The following MAP4 variants were observed in gnomAD, a reference collection of about 807,000 sequenced individuals.
MAP4 encodes microtubule-associated protein 4.
Under a neutral mutation model 170.2 loss-of-function variants are expected in MAP4, and 76 were observed. The ratio of observed to expected loss-of-function variants is 0.45; its 90% CI spans 0.37 to 0.54. The LOEUF (loss-of-function observed/expected upper bound fraction) is 0.54, where lower values mean the gene tolerates loss of function less well. Ranked by LOEUF, MAP4 falls within the 20% of genes least tolerant of loss-of-function variation. The probability of loss-of-function intolerance (pLI) is 0.00; values close to 1 mark genes in which losing one functional copy is unlikely to be tolerated. For missense variants in MAP4, 2,506 were observed against 2,748.0 expected, an observed-to-expected ratio of 0.91 and a Z score of 1.97; for synonymous variants, 909 against 994.5, an observed-to-expected ratio of 0.91 and a Z score of 1.62.
chr3:47,953,438 C>T (rs563517081), intron 3 of MAP4, among the ~76,000 whole-genome samples: 7 of 152,258 alleles, frequency 4.6e-5, no homozygotes, highest in Non-Finnish European at 7.4e-5. Flanking sequence ...AGGAGGACTA[C>T]TTGAGCCTAG....
chr3:48,040,277 A>G (rs935831101), intron 1 of MAP4, among the ~76,000 whole-genome samples: 1 of 150,744 alleles, frequency 6.6e-6, no homozygotes, highest in Non-Finnish European at 1.5e-5. Flanking sequence ...TTATTTTTTT[A>G]TTTTTTTTTG....
At chr3:47,890,737 GT>G (rs1236332181) in intron 10 of MAP4, among the ~76,000 whole-genome samples, 1 of 152,100 alleles carries the variant, frequency 6.6e-6, no homozygotes, top group Non-Finnish European at 1.5e-5. Flanking sequence ...AGGGGGTCTA[GT>G]TTTTATACCC....
In MAP4 at chr3:48,000,164, G is replaced by A. The variant is rs373044513; in HGVS notation, c.-19-1285C>T. Among the ~76,000 whole-genome samples, 7 of 144,808 alleles carry A rather than the reference G, an allele frequency of 4.8e-5. 1 individual carries two copies. Among genetic ancestry groups the A allele is most frequent in the African/African-American group, 1.6e-4 (6 of 38,000 alleles). 95.0% of individuals were successfully genotyped at this position (144,808 alleles called of 152,430 possible). ...CGGGAGATGGAGGCTACAGTGAACCGAGGTTGCGCCACTGCACTCCAGCAT... is the reference window on the plus strand; with the variant it reads ...CGGGAGATGGAGGCTACAGTGAACCAAGGTTGCGCCACTGCACTCCAGCAT... On this transcript the variant is annotated intron_variant, in intron 1 of 20. Coordinates refer to ENST00000683076, the MANE Select transcript of MAP4 (RefSeq NM_001385682.1).
At chr3:48,081,852 A>G (rs909676788) in intron 1 of MAP4, among the ~76,000 whole-genome samples, 2 of 152,152 alleles carry the variant, frequency 1.3e-5, no homozygotes, top group Admixed American at 1.3e-4. Flanking sequence ...TCTCCAACAG[A>G]AGGAACCAGG....
At chr3:48,078,844 T>C (rs1055630453) in intron 1 of MAP4, among the ~76,000 whole-genome samples, 2 of 152,168 alleles carry the variant, frequency 1.3e-5, no homozygotes, top group Non-Finnish European at 2.9e-5. Context: ...CTAACCCAAG[T>C]GAATTATATG....
chr3:47,907,380 C>G lies in MAP4; in HGVS notation c.5383+1658G>C, dbSNP rs2100033689. Among the ~76,000 whole-genome samples the G allele has an allele frequency of 1.3e-5, 2 of 152,112 alleles. 1 individual carries two copies. The highest frequency in any genetic ancestry group is 4.1e-4 in the South Asian group (2 of 4,824). On this transcript the variant is annotated intron_variant, in intron 9 of 20. Transcript: ENST00000683076. ...CGTTTTACTGTATACTCCTTTGTAC[C>G]ATGTGAATGTATTAACCTATTCGAC...
intron 10 of MAP4, among the ~76,000 whole-genome samples, chr3:47,895,944 G>T (rs2100026594): frequency 6.6e-6 from 1 of 152,004 alleles, no homozygotes; most frequent in Non-Finnish European, 1.5e-5. Context: ...TAGCAACTGG[G>T]CCAAGCACTG....
intron 10 of MAP4, among the ~76,000 whole-genome samples, chr3:47,881,926 T>C (rs755706150): frequency 2.0e-5 from 3 of 152,126 alleles, no homozygotes; most frequent in Admixed American, 6.6e-5. Flanking sequence ...TTAAAAATAA[T>C]ATACTCTTCC....
In MAP4 at chr3:48,035,190, GAAAAAAA is replaced by G. The variant is rs71625848; in HGVS notation, c.-19-36318_-19-36312del. Among the ~76,000 whole-genome samples the G allele has an allele frequency of 9.5e-5, 8 of 84,042 alleles. 1 individual carries two copies. The highest frequency in any genetic ancestry group is 3.3e-4 in the African/African-American group (6 of 18,096). The allele number at this position is 84,042 out of a possible 152,430, so 55.1% of individuals were successfully genotyped here. Reference sequence around the variant, plus strand: ...AACCTACCTTGGGTCTGATTTGTATGAAAAAAAAAAAAAAAAAAGGATTTCTCTCCAA... The same window carrying G: ...AACCTACCTTGGGTCTGATTTGTATGAAAAAAAAAAAGGATTTCTCTCCAA... On this transcript the variant is annotated intron_variant, in intron 1 of 18. Transcript: ENST00000360240.
At chr3:47,956,690 T>C (rs746734228) in intron 3 of MAP4, among the ~76,000 whole-genome samples, 4 of 152,198 alleles carry the variant, frequency 2.6e-5, no homozygotes, top group Non-Finnish European at 2.9e-5. Context: ...TGAATAATCA[T>C]TTGCATTCAC....
intron 2 of MAP4, among the ~76,000 whole-genome samples, chr3:47,990,842 A>AC (rs1559729961): frequency 6.6e-6 from 1 of 152,034 alleles, no homozygotes; most frequent in South Asian, 2.1e-4. Context: ...TTTTCTTTTT[A>AC]TTTTTTTCTT....
Position 47,897,696 on chromosome 3 carries a change from T to C in MAP4, c.5434+5254A>G, listed in dbSNP as rs558147801. Among the ~76,000 whole-genome samples the C allele has an allele frequency of 1.3e-3, 201 of 151,996 alleles. 1 individual carries two copies. Among genetic ancestry groups the C allele is most frequent in the African/African-American group, 4.6e-3 (189 of 41,434 alleles). ...GCTCATGCCTGTAATCTCAGTACTT[T>C]GGGAGGTCGAGGCGGGCGGATCACA... On this transcript the variant is annotated intron_variant, in intron 10 of 20. Coordinates refer to ENST00000683076, the MANE Select transcript of MAP4 (RefSeq NM_001385682.1).
At chr3:48,049,169 T>G (rs1326652529) in intron 1 of MAP4, among the ~76,000 whole-genome samples, 2 of 152,266 alleles carry the variant, frequency 1.3e-5, no homozygotes, top group Non-Finnish European at 2.9e-5. Context: ...TGCTTTACAC[T>G]TGTTGACACA....
chr3:48,082,797 CAAAA>C (rs1294638726), intron 1 of MAP4, among the ~76,000 whole-genome samples: 1 of 49,012 alleles, frequency 2.0e-5, no homozygotes, highest in East Asian at 5.9e-4. Flanking sequence ...GACTTTGTCT[CAAAA>C]AAAAAAAAAA....
chr3:48,065,190 C>T (rs1458193258), intron 1 of MAP4, among the ~76,000 whole-genome samples: 1 of 152,150 alleles, frequency 6.6e-6, no homozygotes, highest in Admixed American at 6.6e-5. Context: ...GAATGATCTT[C>T]ATTCTTTATA....
intron 8 of MAP4, among the ~76,000 whole-genome samples, chr3:47,913,172 T>A (rs2100036827): frequency 6.6e-6 from 1 of 151,658 alleles, no homozygotes; most frequent in African/African-American, 2.4e-5. Context: ...TTTGGAAGAG[T>A]TTCAGCAGGT....
intron 3 of MAP4, among the ~76,000 whole-genome samples, chr3:47,949,122 C>T (rs2100061993): frequency 6.6e-6 from 1 of 152,126 alleles, no homozygotes; most frequent in African/African-American, 2.4e-5. Flanking sequence ...CCCTTAAGTA[C>T]ATATACTACG....
chr3:47,986,268 A>ATCCTGGC (rs2100088613), intron 2 of MAP4, among the ~76,000 whole-genome samples: 2 of 152,002 alleles, frequency 1.3e-5, no homozygotes, highest in Admixed American at 1.3e-4. Context: ...ACATACCACC[A>ATCCTGGC]TCCTGGCTTG....
chr3:47,988,837 C>T (rs557942015), intron 2 of MAP4, among the ~76,000 whole-genome samples: 16 of 151,886 alleles, frequency 1.1e-4, no homozygotes, highest in African/African-American at 2.9e-4. Flanking sequence ...TTTTTTGAGA[C>T]GGAGTCTCGC....
Sources: allele counts gnomAD v4.1 joint callset (sites outside exome capture counted in the v4.1 genomes callset), GRCh38; gene constraint gnomAD v4.1.1; transcripts MANE v1.5; gene names NCBI Gene and HGNC (gene_info 2026-07-23, HGNC 2026-07-21).